The following FNDC3A variants were observed in gnomAD, a reference collection of about 807,000 sequenced individuals.
The protein encoded by FNDC3A is fibronectin type III domain containing 3A, also known as fibronectin type-III domain-containing protein 3A.
In FNDC3A, 32 loss-of-function variants were observed where a neutral mutation model predicts 148.9. The ratio of observed to expected loss-of-function variants is 0.21; its 90% confidence interval spans 0.16 to 0.29. The LOEUF (loss-of-function observed/expected upper bound fraction) is 0.29, where lower values mean the gene tolerates loss of function less well. Among genes scored for constraint, FNDC3A ranks in the 10% least tolerant of loss-of-function variants. The pLI is 1.00. For missense variants in FNDC3A, 1,191 were observed against 1,452.8 expected (o/e 0.82, Z 2.93); for synonymous variants, 472 against 473.6 (o/e 1.00, Z 0.04).
chr13:49,129,336 C>CA (rs1240924574), intron 4 of FNDC3A, among the ~76,000 whole-genome samples: 1 of 152,152 alleles, frequency 6.6e-6, no homozygotes, highest in Non-Finnish European at 1.5e-5. Context: ...GTTAATGGTT[C>CA]AGGATTTGTT....
At chr13:49,020,399 A>G (rs1044939710) in intron 2 of FNDC3A, among the ~76,000 whole-genome samples, 4 of 152,254 alleles carry the variant, frequency 2.6e-5, no homozygotes, top group Admixed American at 2.0e-4. Context: ...TAGCAAGACC[A>G]TTTACTAAGT....
At chr13:49,124,987 G>T (rs1022454216) in intron 4 of FNDC3A, among the ~76,000 whole-genome samples, 1 of 152,138 alleles carries the variant, frequency 6.6e-6, no homozygotes, top group Non-Finnish European at 1.5e-5. Context: ...TCTGGTAATG[G>T]CTCCCTTAAC....
At chr13:49,174,664 G>GT in intron 12 of FNDC3A, 105 bp downstream of exon 12, 1 of 1,043,344 alleles carries the variant, frequency 9.6e-7, no homozygotes, top group Non-Finnish European at 1.4e-6. Context: ...ATTCTGCTTA[G>GT]TTTATCTCTT....
intron 4 of FNDC3A, among the ~76,000 whole-genome samples, chr13:49,121,412 A>AC (rs1881335199): frequency 1.3e-5 from 2 of 152,178 alleles, no homozygotes; most frequent in Admixed American, 6.5e-5. Context: ...TAAAATCAAC[A>AC]CCCTAACATC....
intron 2 of FNDC3A, among the ~76,000 whole-genome samples, chr13:49,013,121 G>C (rs897296455): frequency 1.3e-5 from 2 of 152,058 alleles, no homozygotes; most frequent in Non-Finnish European, 2.9e-5. Flanking sequence ...TTGGAGACCA[G>C]CCTGTGCAAC....
chr13:49,202,865 G>A (rs1400929796), intron 24 of FNDC3A, among the ~76,000 whole-genome samples: 1 of 152,168 alleles, frequency 6.6e-6, no homozygotes, highest in African/African-American at 2.4e-5. Context: ...AATCAGCTGG[G>A]CATGGCAGCA....
chr13:49,172,953 A>G (rs936582454), intron 11 of FNDC3A, among the ~76,000 whole-genome samples: 3 of 152,224 alleles, frequency 2.0e-5, no homozygotes, highest in African/African-American at 4.8e-5. Context: ...ATTAAAAGTA[A>G]TGGTAAAAAC....
chr13:49,073,722 T>A (rs1195184822), intron 2 of FNDC3A, among the ~76,000 whole-genome samples: 1 of 146,808 alleles, frequency 6.8e-6, no homozygotes, highest in East Asian at 2.0e-4. Flanking sequence ...TGTGTATATA[T>A]AATATATATG....
chr13:49,118,569 C>A (rs957724018), intron 4 of FNDC3A, among the ~76,000 whole-genome samples: 1 of 152,182 alleles, frequency 6.6e-6, no homozygotes, highest in African/African-American at 2.4e-5. Flanking sequence ...TCAGCGGATC[C>A]TACCTCCACA....
At chr13:49,006,030 T>G in intron 1 of FNDC3A, 122 bp from the exon 2 acceptor site, 1 of 444,392 alleles carries the variant, frequency 2.3e-6, no homozygotes, top group Admixed American at 4.1e-5. Flanking sequence ...CAACAGAGTA[T>G]TCTAGAATTT....
chr13:49,020,730 A>G (rs1348257632), intron 2 of FNDC3A, among the ~76,000 whole-genome samples: 1 of 152,232 alleles, frequency 6.6e-6, no homozygotes, highest in African/African-American at 2.4e-5. Flanking sequence ...TGAGGCAAGT[A>G]ATGCATTATT....
chr13:49,115,823 C>G (rs1337173697), intron 4 of FNDC3A, among the ~76,000 whole-genome samples: 1 of 152,198 alleles, frequency 6.6e-6, no homozygotes, highest in African/African-American at 2.4e-5. Context: ...ACTAAAACTG[C>G]TTTCCGCTAT....
chr13:49,027,847 A>G (rs1873833988), intron 2 of FNDC3A, among the ~76,000 whole-genome samples: 1 of 152,196 alleles, frequency 6.6e-6, no homozygotes, highest in Non-Finnish European at 1.5e-5. Flanking sequence ...TGATAAGGCA[A>G]ATCCTACCTT....
chr13:49,099,650 C>T (rs1402079391), intron 3 of FNDC3A, among the ~76,000 whole-genome samples: 1 of 152,066 alleles, frequency 6.6e-6, no homozygotes, highest in Admixed American at 6.6e-5. Flanking sequence ...TAAACTCTCT[C>T]AGCAATAATG....
At chr13:48,995,692 G>T (rs942534129) in intron 1 of FNDC3A, among the ~76,000 whole-genome samples, 1 of 152,072 alleles carries the variant, frequency 6.6e-6, no homozygotes, top group African/African-American at 2.4e-5. Context: ...ATTTTTAAGA[G>T]CCATTTTTCT....
At chr13:49,140,240 G>A (rs992652675) in intron 7 of FNDC3A, among the ~76,000 whole-genome samples, 3 of 152,168 alleles carry the variant, frequency 2.0e-5, no homozygotes, top group South Asian at 2.1e-4. Context: ...GGATGCTGAG[G>A]TGGGAGGATC....
intron 8 of FNDC3A, among the ~76,000 whole-genome samples, chr13:49,150,386 A>T (rs1883220878): frequency 6.6e-6 from 1 of 152,112 alleles, no homozygotes; most frequent in Non-Finnish European, 1.5e-5. Flanking sequence ...TAAGCTTTTT[A>T]ATGTAGACAT....
intron 19 of FNDC3A, among the ~76,000 whole-genome samples, chr13:49,192,638 T>C (rs1885943542): frequency 6.6e-6 from 1 of 152,170 alleles, no homozygotes; most frequent in African/African-American, 2.4e-5. Context: ...AGGCTGCTCT[T>C]ACACAAGTCA....
Position 49,120,724 on chromosome 13 carries a change from C to A in FNDC3A, c.252+5993C>A, listed in dbSNP as rs151123980. Among the ~76,000 whole-genome samples, 478 of 151,112 alleles carry A rather than the reference C, an allele frequency of 3.2e-3. 2 individuals carry two copies. Among genetic ancestry groups the A allele is most frequent in the African/African-American group, 0.011 (440 of 41,222 alleles). ...GTCTCTGATAAAACAGACTTTAAACCAACAAAGATCAAAAAAGACAAGAAG... is the reference window on the plus strand; with the variant it reads ...GTCTCTGATAAAACAGACTTTAAACAAACAAAGATCAAAAAAGACAAGAAG... On this transcript the variant is annotated intron_variant, in intron 4 of 25. Coordinates refer to ENST00000492622, the MANE Select transcript of FNDC3A (RefSeq NM_001079673.2).
Sources: gnomAD v4.1 joint callset for allele counts (sites outside exome capture counted in the v4.1 genomes callset) on GRCh38, gnomAD v4.1.1 for gene constraint, MANE v1.5 for transcripts, NCBI Gene and HGNC (gene_info 2026-07-23, HGNC 2026-07-21) for gene names.